The following CLDN1 variants were observed in gnomAD, a reference collection of about 807,000 sequenced individuals.
CLDN1 encodes the protein claudin 1.
A neutral mutation model predicts 22.6 loss-of-function variants in CLDN1; 12 were observed. That is an observed-to-expected ratio of 0.53 (90% CI 0.34 to 0.86). CLDN1 has a LOEUF of 0.86. CLDN1 is among the 40% of genes least tolerant of loss of function. The probability of loss-of-function intolerance (pLI) is 0.02; values close to 1 mark genes in which losing one functional copy is unlikely to be tolerated. For synonymous variants in CLDN1, 99 were observed against 103.8 expected (o/e 0.95, Z 0.28); for missense variants, 250 against 269.5 (o/e 0.93, Z 0.51).
Position 190,308,201 on chromosome 3 carries a change from G to C in CLDN1, c.*76C>G. 1 of 1,539,222 alleles carries C rather than the reference G, an allele frequency of 6.5e-7. No individual in the cohort carries two copies. Among genetic ancestry groups the C allele is most frequent in the African/African-American group, 1.4e-5 (1 of 73,308 alleles). Reference sequence around the variant, plus strand: ...AGATTACAATACCCAAAATTCTAAGGTCCTAATGTTAATGATAGTATCTCA... The same window carrying C: ...AGATTACAATACCCAAAATTCTAAGCTCCTAATGTTAATGATAGTATCTCA... On this transcript the variant is annotated 3_prime_UTR_variant, in exon 4 of 4. Transcript: ENST00000295522.
At chr3:190,308,663 A>C (rs1716527860) in intron 3 of CLDN1, among the ~76,000 whole-genome samples, 1 of 152,192 alleles carries the variant, frequency 6.6e-6, no homozygotes, top group South Asian at 2.1e-4. Flanking sequence ...AACACATGTA[A>C]TACCAGGTTA....
chr3:190,314,510 A>T lies in CLDN1; in HGVS notation c.224-1474T>A, dbSNP rs114272830. ...CTGGGGCTCAAGCGATTCTCATCCCACAGCCTCCTGAGTAGCTGGGACTGC... is the reference window on the plus strand; with the variant it reads ...CTGGGGCTCAAGCGATTCTCATCCCTCAGCCTCCTGAGTAGCTGGGACTGC... On this transcript the variant is annotated intron_variant, in intron 1 of 3. Transcript: ENST00000295522. 5.5e-3 allele frequency among the ~76,000 whole-genome samples: 833 copies of T among 151,768 alleles called. 8 individuals carry two copies. Among genetic ancestry groups the T allele is most frequent in the African/African-American group, 0.019 (803 of 41,374 alleles).
intron 1 of CLDN1, 115 bp downstream of exon 1, chr3:190,321,869 A>G: frequency 1.3e-6 from 1 of 789,670 alleles, no homozygotes; most frequent in Non-Finnish European, 2.1e-6. Context: ...TGATCAGAAG[A>G]CTTGATCAAC....
At position 190,322,064 on chromosome 3, in the gene CLDN1, T is replaced by G; in HGVS notation, c.143A>C (p.Glu48Ala). 2 of 1,614,156 alleles carry G rather than the reference T, an allele frequency of 1.2e-6. No individual in the cohort carries two copies. Among genetic ancestry groups the G allele is most frequent in the Middle Eastern group, 1.6e-4 (1 of 6,062 alleles). ...CGACACGCAGGACATCCACAGCCCC[T>G]CGTACATGGCCTGGGCGGTCACGAT... is the stretch of plus-strand genomic sequence containing the variant. Reference protein sequence around the residue: ...DNIVTAQAMYEGLWMSCVSQS... With the variant: ...DNIVTAQAMYAGLWMSCVSQS... Residue 48 changes from glutamate (E) to alanine (A), a missense_variant, in exon 1 of 4, where the codon GAG becomes GCG. Coordinates refer to ENST00000295522, the MANE Select transcript of CLDN1 (RefSeq NM_021101.5).
intron 2 of CLDN1, among the ~76,000 whole-genome samples, chr3:190,311,003 T>C (rs1373821837): frequency 6.6e-6 from 1 of 152,226 alleles, no homozygotes; most frequent in Non-Finnish European, 1.5e-5. Flanking sequence ...GTAGTAATTC[T>C]AAGTATTCAT....
At chr3:190,310,664 G>A (rs1365504614) in intron 2 of CLDN1, among the ~76,000 whole-genome samples, 4 of 152,138 alleles carry the variant, frequency 2.6e-5, no homozygotes, top group African/African-American at 9.7e-5. Flanking sequence ...CTATGTTCTT[G>A]ATCAAACTCA....
rs1466136286 is a variant in CLDN1, at chr3:190,320,575, C to A, written c.223+1409G>T. Among the ~76,000 whole-genome samples the A allele has an allele frequency of 5.3e-5, 8 of 152,288 alleles. No homozygotes were observed. The South Asian group carries it at 1.7e-3, about 32-fold the overall frequency. ...CTGAAATAATAACACTCAAAACAAC[C>A]ATGCACATTGACTGAGCAAATGCCA... is the stretch of plus-strand genomic sequence containing the variant. On this transcript the variant is annotated intron_variant, in intron 1 of 3. Coordinates refer to ENST00000295522, the MANE Select transcript of CLDN1 (RefSeq NM_021101.5).
chr3:190,309,488 A>G (rs1716553742), intron 3 of CLDN1, among the ~76,000 whole-genome samples: 1 of 152,208 alleles, frequency 6.6e-6, no homozygotes, highest in Admixed American at 6.5e-5. Context: ...ATATTTTAAC[A>G]TCCTGACTGA....
chr3:190,322,155 A>T lies in CLDN1; in HGVS notation c.52T>A (p.Trp18Arg). Residue 18 changes from tryptophan (W) to arginine (R), a missense_variant, in exon 1 of 4, where the codon TGG becomes AGG. Transcript: ENST00000295522. ...GCAGTGCTGACGATGGCGCCGATCCATCCCAGGAAGGCGAGAATGAAGCCC... is the reference window on the plus strand; with the variant it reads ...GCAGTGCTGACGATGGCGCCGATCCTTCCCAGGAAGGCGAGAATGAAGCCC... ...LLGFILAFLGWIGAIVSTALP... is the reference protein window; with the variant it reads ...LLGFILAFLGRIGAIVSTALP... The T allele has an allele frequency of 2.5e-6, 4 of 1,614,182 alleles. No homozygotes were observed. Among genetic ancestry groups the T allele is most frequent in the Non-Finnish European group, 3.4e-6 (4 of 1,180,036 alleles).
intron 1 of CLDN1, among the ~76,000 whole-genome samples, chr3:190,314,959 G>A (rs1172172719): frequency 1.3e-5 from 2 of 152,108 alleles, no homozygotes; most frequent in African/African-American, 4.8e-5. Context: ...TTACCAGGAA[G>A]GAACTGAAGC....
chr3:190,311,371 C>A (rs990901867), intron 2 of CLDN1, among the ~76,000 whole-genome samples: 3 of 152,138 alleles, frequency 2.0e-5, no homozygotes, highest in Non-Finnish European at 4.4e-5. Context: ...ACTATCCATG[C>A]CTTTTCAGAG....
In CLDN1 at chr3:190,318,998, C is replaced by T. The variant is rs1010063217; in HGVS notation, c.223+2986G>A. On this transcript the variant is annotated intron_variant, in intron 1 of 3. Coordinates refer to ENST00000295522, the MANE Select transcript of CLDN1 (RefSeq NM_021101.5). ...GGGTTCGGTGAGATTGAGAGAGAGT[C>T]TAGCCTAACCTCCCATTTGTCTGGT... Among the ~76,000 whole-genome samples, 3 of 152,132 alleles carry T rather than the reference C, an allele frequency of 2.0e-5. No homozygotes were observed. The South Asian group carries it at 6.2e-4, about 32-fold the overall frequency.
chr3:190,310,822 T>A (rs1256292609), intron 2 of CLDN1, among the ~76,000 whole-genome samples: 2 of 152,112 alleles, frequency 1.3e-5, no homozygotes, highest in Non-Finnish European at 2.9e-5. Context: ...TGGCCTGAGA[T>A]TTGTTGAGGG....
intron 1 of CLDN1, among the ~76,000 whole-genome samples, chr3:190,315,816 G>A (rs146279762): frequency 2.0e-5 from 3 of 152,194 alleles, no homozygotes; most frequent in Non-Finnish European, 2.9e-5. Context: ...CACTTAGATC[G>A]CAGAGTAGTC....
rs1253677236 is a variant in CLDN1, at chr3:190,307,181, G to A, written c.*1096C>T. On this transcript the variant is annotated 3_prime_UTR_variant, in exon 4 of 4. Coordinates refer to ENST00000295522, the MANE Select transcript of CLDN1 (RefSeq NM_021101.5). ...AGAAAGATTAAGTGACTTGCTTACA[G>A]CTACAGAGAGAATATTTGTCACCAG... 1 of 152,626 alleles carries A rather than the reference G, an allele frequency of 6.6e-6. No homozygotes were observed. The highest frequency in any genetic ancestry group is 2.4e-5 in the African/African-American group (1 of 41,456). 9.5% of individuals were successfully genotyped at this position (152,626 alleles called of 1,614,324 possible).
chr3:190,312,766 G>T, intron 2 of CLDN1, 106 bp downstream of exon 2: 1 of 1,279,252 alleles, frequency 7.8e-7, no homozygotes, highest in Non-Finnish European at 1.1e-6. Flanking sequence ...TATGTTTGCA[G>T]TTTGCCTTAG....
rs1218766578 is a variant in CLDN1, at chr3:190,308,359, G to A, written c.554C>T (p.Ser185Phe). The A allele has an allele frequency of 6.2e-7, 1 of 1,613,890 alleles. No homozygotes were observed. The highest frequency in any genetic ancestry group is 8.5e-7 in the Non-Finnish European group (1 of 1,179,870). Residue 185 changes from serine to phenylalanine, a missense_variant, in exon 4 of 4, where the codon TCC becomes TTC. Coordinates refer to ENST00000295522, the MANE Select transcript of CLDN1 (RefSeq NM_021101.5). ...GTAAGAGGTTGTTTTTCGGGGACAG[G>A]AACAGCAAAGTAGGGCACCTCCCAG... ...CLLGGALLCC[S>F]CPRKTTSYPT...
intron 1 of CLDN1, among the ~76,000 whole-genome samples, chr3:190,319,741 T>A (rs1404417767): frequency 6.6e-6 from 1 of 152,206 alleles, no homozygotes; most frequent in Non-Finnish European, 1.5e-5. Flanking sequence ...TGCTTAAATA[T>A]ACACACATAA....
chr3:190,311,792 TAC>T (rs1436202264), intron 2 of CLDN1, among the ~76,000 whole-genome samples: 1 of 151,440 alleles, frequency 6.6e-6, no homozygotes, highest in Non-Finnish European at 1.5e-5. Context: ...TATGTACATA[TAC>T]ACACGTAAGT....
Sources: allele counts gnomAD v4.1 joint callset (sites outside exome capture counted in the v4.1 genomes callset), GRCh38; gene constraint gnomAD v4.1.1; transcripts MANE v1.5; gene names NCBI Gene and HGNC (gene_info 2026-07-23, HGNC 2026-07-21).